Variants in FRMD6 observed in about 807,000 individuals in gnomAD.
FRMD6 encodes the protein FERM domain containing 6.
Under a neutral mutation model 73.2 loss-of-function variants are expected in FRMD6, and 37 were observed. The ratio of observed to expected loss-of-function variants is 0.51; its 90% CI spans 0.39 to 0.66. The LOEUF (loss-of-function observed/expected upper bound fraction) is 0.66, where lower values mean the gene tolerates loss of function less well. Among genes scored for constraint, FRMD6 ranks in the 30% least tolerant of loss-of-function variants. The pLI is 0.00. For synonymous variants in FRMD6, 273 were observed against 282.2 expected, an observed-to-expected ratio of 0.97 and a Z score of 0.33; for missense variants, 714 against 780.5, an observed-to-expected ratio of 0.91 and a Z score of 1.02.
upstream of FRMD6, chr14:51,651,047 T>A (rs1320532774): frequency 6.5e-6 from 1 of 152,816 alleles, no homozygotes; most frequent in African/African-American, 2.4e-5. Flanking sequence ...GAGGTGGCAA[T>A]GAAACCTCCA....
chr14:51,720,928 A>G (rs942893801), intron 11 of FRMD6, among the ~76,000 whole-genome samples: 1 of 152,236 alleles, frequency 6.6e-6, no homozygotes, highest in Non-Finnish European at 1.5e-5. Flanking sequence ...GATGAATCCT[A>G]TGGCTTATCT....
chr14:51,580,903 G>T (rs189521087), intron 2 of FRMD6, among the ~76,000 whole-genome samples: 28 of 152,310 alleles, frequency 1.8e-4, no homozygotes, highest in Admixed American at 5.2e-4. Flanking sequence ...TGCACAGCCT[G>T]CTCATCTTTA....
intron 2 of FRMD6, among the ~76,000 whole-genome samples, chr14:51,617,642 G>A (rs566685964): frequency 2.8e-4 from 40 of 141,784 alleles, no homozygotes; most frequent in South Asian, 6.3e-4. Flanking sequence ...TACCTACCTC[G>A]TAGGGTTGTT....
chr14:51,507,590 T>C (rs1478114502), intron 1 of FRMD6, among the ~76,000 whole-genome samples: 1 of 152,194 alleles, frequency 6.6e-6, no homozygotes, highest in East Asian at 1.9e-4. Flanking sequence ...CTGAGCTAAA[T>C]AAAACCTAGT....
At chr14:51,713,051 T>A (rs1003313121) in intron 9 of FRMD6, among the ~76,000 whole-genome samples, 2 of 152,236 alleles carry the variant, frequency 1.3e-5, no homozygotes, top group Admixed American at 1.3e-4. Flanking sequence ...CATTTTCTTT[T>A]GTTAGAGCAA....
intron 2 of FRMD6, among the ~76,000 whole-genome samples, chr14:51,631,682 A>C (rs1336145641): frequency 6.6e-6 from 1 of 152,226 alleles, no homozygotes; most frequent in Non-Finnish European, 1.5e-5. Flanking sequence ...AGACTCAAGT[A>C]AGATTTTAAG....
At chr14:51,654,149 G>A (rs887389005) in intron 1 of FRMD6, among the ~76,000 whole-genome samples, 4 of 152,140 alleles carry the variant, frequency 2.6e-5, no homozygotes, top group Admixed American at 6.5e-5. Flanking sequence ...TGAACTTAGA[G>A]ATTTAAGATG....
the FRMD6 span, among the ~76,000 whole-genome samples, chr14:51,443,663 C>T: frequency 1.3e-5 from 2 of 152,202 alleles, no homozygotes; most frequent in Non-Finnish European, 2.9e-5. Context: ...GTGCCATACT[C>T]TTCTCTCTGA....
chr14:51,594,556 C>T lies in FRMD6; in HGVS notation c.-147+24146C>T, dbSNP rs917420087. Among the ~76,000 whole-genome samples the T allele has an allele frequency of 9.4e-4, 142 of 151,532 alleles. No individual in the cohort carries two copies. The Middle Eastern group carries it at 0.01, about 11-fold the overall frequency. ...GTTGGTCTGGCTGGTCTCGAACTCC[C>T]GACCTCAAGTGATCCACCCGCCTCG... is the stretch of plus-strand genomic sequence containing the variant. On this transcript the variant is annotated intron_variant, in intron 2 of 14. Coordinates refer to the FRMD6 transcript ENST00000356218.
At chr14:51,692,610 A>T (rs1303783658) in intron 2 of FRMD6, 1 of 152,226 alleles carries the variant, frequency 6.6e-6, no homozygotes, top group East Asian at 1.9e-4. Flanking sequence ...ATTAATTTAT[A>T]CTAAAATCTC....
At chr14:51,661,729 GTGA>G (rs1341936786) in intron 1 of FRMD6, among the ~76,000 whole-genome samples, 2 of 152,230 alleles carry the variant, frequency 1.3e-5, no homozygotes, top group Non-Finnish European at 2.9e-5. Context: ...GGAGTCATTG[GTGA>G]TGATGACAAG....
At chr14:51,652,041 T>C (rs1892440201) in intron 1 of FRMD6, 45 bp downstream of exon 1, 1 of 151,436 alleles carries the variant, frequency 6.6e-6, no homozygotes, top group African/African-American at 2.4e-5. Context: ...GCTCGCCCCA[T>C]CGCTCAGCCG....
intron 2 of FRMD6, among the ~76,000 whole-genome samples, chr14:51,641,530 G>A (rs188211800): frequency 6.6e-6 from 1 of 152,262 alleles, no homozygotes; most frequent in East Asian, 1.9e-4. Context: ...TTGGGGCTGT[G>A]GGAAGATCCA....
the FRMD6 span, among the ~76,000 whole-genome samples, chr14:51,414,128 C>T: frequency 1.3e-5 from 2 of 152,262 alleles, no homozygotes; most frequent in Middle Eastern, 3.4e-3. Flanking sequence ...ATGGTAGTTT[C>T]TTTTGCCAGG....
At chr14:51,419,114 C>A in the FRMD6 span, among the ~76,000 whole-genome samples, 1 of 152,168 alleles carries the variant, frequency 6.6e-6, no homozygotes, top group South Asian at 2.1e-4. Context: ...AAAGGGAGAT[C>A]CCCCAACTCC....
chr14:51,633,275 CTTTTT>C (rs879513047), intron 2 of FRMD6, among the ~76,000 whole-genome samples: 1 of 144,566 alleles, frequency 6.9e-6, no homozygotes, highest in South Asian at 2.2e-4. Context: ...TTTACCTCCT[CTTTTT>C]TTTTTTTATT....
intron 2 of FRMD6, among the ~76,000 whole-genome samples, chr14:51,598,929 T>C (rs1304327553): frequency 1.3e-5 from 2 of 152,090 alleles, no homozygotes; most frequent in Non-Finnish European, 2.9e-5. Flanking sequence ...TATTACAGGG[T>C]CAAATGTAGC....
chr14:51,586,897 C>A (rs1172348606), intron 2 of FRMD6, among the ~76,000 whole-genome samples: 2 of 152,162 alleles, frequency 1.3e-5, no homozygotes, highest in African/African-American at 2.4e-5. Context: ...GCATGCACCA[C>A]CACACTCAGC....
At chr14:51,573,272 TG>T (rs1888228561) in intron 2 of FRMD6, among the ~76,000 whole-genome samples, 2 of 152,126 alleles carry the variant, frequency 1.3e-5, no homozygotes, top group African/African-American at 4.8e-5. Flanking sequence ...AGCCACTTAC[TG>T]GAAGGAAAGC....
Sources: gnomAD v4.1 joint callset for allele counts (sites outside exome capture counted in the v4.1 genomes callset) on GRCh38, gnomAD v4.1.1 for gene constraint, MANE v1.5 for transcripts, NCBI Gene and HGNC (gene_info 2026-07-23, HGNC 2026-07-21) for gene names.